Variants in BBX observed in about 807,000 individuals in gnomAD.
The protein encoded by BBX is BBX high mobility group box domain containing.
A neutral mutation model predicts 100.2 loss-of-function variants in BBX; 30 were observed. That is an observed-to-expected ratio of 0.30 (90% confidence interval 0.22 to 0.41). The LOEUF (loss-of-function observed/expected upper bound fraction) is 0.41. BBX is among the 10% of genes least tolerant of loss of function. BBX has a pLI of 1.00. For synonymous variants in BBX, 376 were observed against 388.1 expected (o/e 0.97, Z 0.37); for missense variants, 1,023 against 1,129.8 (o/e 0.91, Z 1.35).
intron 7 of BBX, among the ~76,000 whole-genome samples, chr3:107,737,907 T>G (rs1297342899): frequency 7.0e-6 from 1 of 142,710 alleles, no homozygotes; most frequent in Non-Finnish European, 1.5e-5. Context: ...TTTTTTTTTT[T>G]TTTTTTTAAC....
intron 2 of BBX, among the ~76,000 whole-genome samples, chr3:107,633,847 T>A (rs2056695377): frequency 6.6e-6 from 1 of 152,250 alleles, no homozygotes; most frequent in Admixed American, 6.5e-5. Flanking sequence ...CACTTCTTCT[T>A]TTCCAGAGTA....
chr3:107,615,554 A>T (rs2107669601), intron 2 of BBX, among the ~76,000 whole-genome samples: 1 of 152,198 alleles, frequency 6.6e-6, no homozygotes, highest in Non-Finnish European at 1.5e-5. Flanking sequence ...TACCATCACG[A>T]TCTAATCACT....
At chr3:107,570,712 T>C (rs1030271005) in intron 2 of BBX, among the ~76,000 whole-genome samples, 1 of 151,894 alleles carries the variant, frequency 6.6e-6, no homozygotes, top group Admixed American at 6.6e-5. Flanking sequence ...GGGACCTGGC[T>C]TGGCCTAGTG....
intron 4 of BBX, among the ~76,000 whole-genome samples, chr3:107,712,352 C>T (rs2061779343): frequency 6.6e-6 from 1 of 152,156 alleles, no homozygotes; most frequent in Admixed American, 6.5e-5. Context: ...TTGGTATATC[C>T]ATTAGTTATC....
intron 15 of BBX, among the ~76,000 whole-genome samples, chr3:107,791,568 A>T (rs1015831840): frequency 1.3e-4 from 20 of 152,188 alleles, no homozygotes; most frequent in African/African-American, 4.8e-4. Context: ...AGTTTTTCAT[A>T]GCTAAATGTA....
At chr3:107,637,332 A>C (rs571242939) in intron 2 of BBX, among the ~76,000 whole-genome samples, 1 of 152,330 alleles carries the variant, frequency 6.6e-6, no homozygotes, top group African/African-American at 2.4e-5. Context: ...TTGACAGTAA[A>C]AACTTAGGCC....
chr3:107,650,334 T>C (rs549582320), intron 3 of BBX, among the ~76,000 whole-genome samples: 3 of 152,156 alleles, frequency 2.0e-5, no homozygotes, highest in African/African-American at 7.2e-5. Flanking sequence ...ATGCTCCTTA[T>C]GAGAATCTAA....
intron 8 of BBX, among the ~76,000 whole-genome samples, chr3:107,746,092 A>G (rs1362514479): frequency 6.6e-6 from 1 of 152,120 alleles, no homozygotes; most frequent in African/African-American, 2.4e-5. Context: ...TTTTCACAAA[A>G]TTGGATGGAT....
At chr3:107,572,251 G>C (rs1444327267) in intron 2 of BBX, among the ~76,000 whole-genome samples, 1 of 152,104 alleles carries the variant, frequency 6.6e-6, no homozygotes, top group Admixed American at 6.5e-5. Context: ...CTATATTCAC[G>C]TAATCCTTTC....
intron 2 of BBX, among the ~76,000 whole-genome samples, chr3:107,611,364 A>G (rs764563819): frequency 2.0e-5 from 3 of 152,090 alleles, no homozygotes; most frequent in Non-Finnish European, 4.4e-5. Flanking sequence ...CTTGCTCATA[A>G]TGTCTTTTTC....
At chr3:107,737,051 T>C (rs1354098799) in intron 7 of BBX, among the ~76,000 whole-genome samples, 2 of 152,132 alleles carry the variant, frequency 1.3e-5, no homozygotes, top group Non-Finnish European at 2.9e-5. Context: ...ATCAAGCCAC[T>C]CTTTTCTTTG....
At chr3:107,619,708 A>G (rs2055593096) in intron 2 of BBX, among the ~76,000 whole-genome samples, 1 of 151,934 alleles carries the variant, frequency 6.6e-6, no homozygotes, top group Non-Finnish European at 1.5e-5. Flanking sequence ...GGGTATTTTC[A>G]CTGGGTATAG....
intron 5 of BBX, among the ~76,000 whole-genome samples, chr3:107,723,803 A>T (rs1403072359): frequency 2.0e-5 from 3 of 151,980 alleles, no homozygotes; most frequent in East Asian, 1.9e-4. Context: ...CTTAATCCAG[A>T]CTATCATTGT....
chr3:107,744,394 C>A (rs1473935628), intron 7 of BBX, among the ~76,000 whole-genome samples: 1 of 152,044 alleles, frequency 6.6e-6, no homozygotes, highest in East Asian at 1.9e-4. Flanking sequence ...CTTCCTATGA[C>A]TTTTGAATAA....
At chr3:107,747,196 C>T (rs561072629) in intron 8 of BBX, among the ~76,000 whole-genome samples, 2 of 152,100 alleles carry the variant, frequency 1.3e-5, no homozygotes, top group Admixed American at 6.5e-5. Flanking sequence ...GGGTGGCAGA[C>T]TCTTCCATTC....
chr3:107,729,338 T>C (rs4855609), intron 6 of BBX, among the ~76,000 whole-genome samples: 150,683 of 152,250 alleles, frequency 0.99, 74,589 homozygotes, highest in Middle Eastern at 1. Context: ...CTTAAACAGC[T>C]ACAGTCATGT....
intron 5 of BBX, among the ~76,000 whole-genome samples, chr3:107,718,684 C>G (rs2062295305): frequency 6.6e-6 from 1 of 152,016 alleles, no homozygotes; most frequent in Non-Finnish European, 1.5e-5. Context: ...AATAGGTGGC[C>G]ACTTTTAAGA....
chr3:107,637,291 T>C (rs1392127213), intron 2 of BBX, among the ~76,000 whole-genome samples: 1 of 152,188 alleles, frequency 6.6e-6, no homozygotes, highest in Non-Finnish European at 1.5e-5. Flanking sequence ...AGAAAATGTT[T>C]TAGAGCCAAG....
At chr3:107,697,095 T>C (rs1455658919) in intron 3 of BBX, among the ~76,000 whole-genome samples, 1 of 142,858 alleles carries the variant, frequency 7.0e-6, no homozygotes, top group South Asian at 2.1e-4. Context: ...AGTTATACAT[T>C]CTTCTAAATT....
Sources: allele counts gnomAD v4.1 joint callset (sites outside exome capture counted in the v4.1 genomes callset), GRCh38; gene constraint gnomAD v4.1.1; transcripts MANE v1.5; gene names NCBI Gene and HGNC (gene_info 2026-07-23, HGNC 2026-07-21).